Variants in CCNYL1 observed in about 807,000 individuals in gnomAD.
CCNYL1 encodes cyclin-Y-like protein 1.
CCNYL1 carries 16 observed loss-of-function variants against 44.2 expected under a neutral mutation model. The ratio of observed to expected loss-of-function variants is 0.36; its 90% CI spans 0.25 to 0.55. CCNYL1 has a LOEUF of 0.55. Among genes scored for constraint, CCNYL1 ranks in the 20% least tolerant of loss-of-function variants. CCNYL1 has a pLI of 0.85. For missense variants in CCNYL1, 348 were observed against 451.8 expected (o/e 0.77, Z 2.08); for synonymous variants, 159 against 163.2 (o/e 0.97, Z 0.20).
chr2:207,714,081 G>A (rs1328249212), intron 1 of CCNYL1, among the ~76,000 whole-genome samples: 1 of 152,134 alleles, frequency 6.6e-6, no homozygotes, highest in Non-Finnish European at 1.5e-5. Flanking sequence ...TAAAGAGTTA[G>A]GTATGTAGAA....
intron 1 of CCNYL1, among the ~76,000 whole-genome samples, chr2:207,716,397 T>C (rs921773448): frequency 1.3e-5 from 2 of 150,718 alleles, no homozygotes; most frequent in African/African-American, 4.9e-5. Flanking sequence ...ACATAGAGAA[T>C]ACAGAAAAGT....
chr2:207,730,627 G>A (rs2091719330), intron 3 of CCNYL1, among the ~76,000 whole-genome samples: 7 of 152,128 alleles, frequency 4.6e-5, no homozygotes, highest in South Asian at 4.2e-4. Flanking sequence ...GTGTGGTGGT[G>A]CACACCTGTA....
chr2:207,749,537 A>G (rs2091877636), intron 8 of CCNYL1, among the ~76,000 whole-genome samples: 2 of 152,244 alleles, frequency 1.3e-5, no homozygotes, highest in South Asian at 4.1e-4. Context: ...TTCTGTAAGC[A>G]TAATGCTTTT....
chr2:207,711,875 C>T lies in CCNYL1; in HGVS notation c.-22C>T. The T allele has an allele frequency of 7.4e-7, 1 of 1,359,100 alleles. No homozygotes were observed. The highest frequency in any genetic ancestry group is 9.5e-7 in the Non-Finnish European group (1 of 1,049,686). 84.2% of individuals were successfully genotyped at this position (1,359,100 alleles called of 1,614,324 possible). A position where few individuals can be genotyped will look rare whatever the true frequency, so the allele number is the denominator to read the frequency against. ...AGTAGGGGGCGAGCGAAGGCGGTGGCAGAGAGGAGCGGAGGCTTCCCATGG... is the reference window on the plus strand; with the variant it reads ...AGTAGGGGGCGAGCGAAGGCGGTGGTAGAGAGGAGCGGAGGCTTCCCATGG... On this transcript the variant is annotated 5_prime_UTR_variant, in exon 1 of 10. Transcript: ENST00000295414.
intron 4 of CCNYL1, 109 bp downstream of exon 4, chr2:207,734,156 G>C (rs2091748206): frequency 1.6e-6 from 1 of 625,054 alleles, no homozygotes; most frequent in Non-Finnish European, 2.9e-6. Context: ...TCAGCAATGA[G>C]TTTAAGAAAT....
At chr2:207,735,880 A>G (rs2091761368) in intron 4 of CCNYL1, among the ~76,000 whole-genome samples, 1 of 151,984 alleles carries the variant, frequency 6.6e-6, no homozygotes, top group African/African-American at 2.4e-5. Context: ...AAAACAAAAC[A>G]AAACACACAA....
At chr2:207,726,463 T>A (rs2091680609) in intron 2 of CCNYL1, among the ~76,000 whole-genome samples, 3 of 152,162 alleles carry the variant, frequency 2.0e-5, no homozygotes, top group South Asian at 2.1e-4. Context: ...AGGTGTTAGA[T>A]CTTGGTAATT....
intron 8 of CCNYL1, among the ~76,000 whole-genome samples, chr2:207,748,585 A>G (rs1456898830): frequency 6.6e-6 from 1 of 152,202 alleles, no homozygotes; most frequent in Non-Finnish European, 1.5e-5. Flanking sequence ...AAAAATATGA[A>G]GGAGCACCTC....
intron 9 of CCNYL1, among the ~76,000 whole-genome samples, chr2:207,753,288 A>G (rs1288162838): frequency 3.3e-5 from 5 of 152,214 alleles, no homozygotes; most frequent in African/African-American, 1.2e-4. Context: ...AACAGATGCT[A>G]TTGCTGTTAG....
Position 207,711,794 on chromosome 2 carries a change from C to T in CCNYL1, c.-103C>T. 1.3e-6 allele frequency: 1 copy of T among 762,794 alleles called. No individual in the cohort carries two copies. 47.3% of individuals were successfully genotyped at this position (762,794 alleles called of 1,614,324 possible). On this transcript the variant is annotated 5_prime_UTR_variant, in exon 1 of 10. Coordinates refer to ENST00000295414, the MANE Select transcript of CCNYL1 (RefSeq NM_001330218.2). The stretch of plus-strand genomic sequence containing the variant: ...GGTGCAGCCCCAGCGTAGCCCGGGG[C>T]TGCCGGTGCCGGCCGCGCCATTGTT...
Position 207,750,987 on chromosome 2 carries a change from T to G in CCNYL1, c.837T>G (p.Leu279=). 6.2e-7 allele frequency: 1 copy of G among 1,613,962 alleles called. No homozygotes were observed. Among genetic ancestry groups the G allele is most frequent in the Non-Finnish European group, 8.5e-7 (1 of 1,179,874 alleles). The change falls in exon 9 of 10, where the codon CTT becomes CTG. Residue 279 remains leucine (L), a synonymous_variant. Transcript: ENST00000295414. ...AAATGGAAAGGCATTTTCTGGAGCT[T>G]CTTCAGTTTAATATTAATGTTCCTG... ...MNEMERHFLE[L]LQFNINVPAS...
chr2:207,720,083 G>A (rs1290095610), intron 1 of CCNYL1, among the ~76,000 whole-genome samples: 1 of 150,536 alleles, frequency 6.6e-6, no homozygotes, highest in Admixed American at 6.7e-5. Context: ...AGCTGCCTGG[G>A]AGGCTGAAGC....
intron 3 of CCNYL1, among the ~76,000 whole-genome samples, chr2:207,733,488 C>G (rs1283383241): frequency 6.6e-6 from 1 of 152,170 alleles, no homozygotes; most frequent in Non-Finnish European, 1.5e-5. Context: ...GTCTCCTGAA[C>G]TAATACGTTT....
intron 2 of CCNYL1, 138 bp from the exon 3 acceptor site, chr2:207,726,704 A>C: frequency 1.8e-6 from 1 of 558,664 alleles, no homozygotes; most frequent in South Asian, 2.9e-5. Context: ...AGATGATTTA[A>C]ATGATGAATT....
intron 7 of CCNYL1, 138 bp downstream of exon 7, chr2:207,742,480 C>A: frequency 1.3e-6 from 1 of 747,952 alleles, no homozygotes; most frequent in Non-Finnish European, 2.1e-6. Flanking sequence ...AACATAAATA[C>A]GTACATTCGC....
chr2:207,730,327 G>A (rs1170807964), intron 3 of CCNYL1, among the ~76,000 whole-genome samples: 1 of 152,160 alleles, frequency 6.6e-6, no homozygotes, highest in East Asian at 1.9e-4. Context: ...ATGTGCCTCT[G>A]AGTTTGAAGT....
At position 207,754,427 on chromosome 2, in the gene CCNYL1, T is replaced by G. The variant is rs1339999392; in HGVS notation, c.*729T>G. ...ACTATAAATGGTGCTTCTCATTTTC[T>G]GATAATTTTTCTCTTGCTAAATAAA... On this transcript the variant is annotated 3_prime_UTR_variant, in exon 10 of 10. Coordinates refer to ENST00000295414, the MANE Select transcript of CCNYL1 (RefSeq NM_001330218.2). 6.5e-6 allele frequency: 1 copy of G among 152,678 alleles called. No individual in the cohort carries two copies. Among genetic ancestry groups the G allele is most frequent in the Non-Finnish European group, 1.5e-5 (1 of 68,048 alleles). The allele number at this position is 152,678 out of a possible 1,614,324, so 9.5% of individuals were successfully genotyped here.
intron 5 of CCNYL1, 100 bp from the exon 6 acceptor site, chr2:207,740,555 A>T (rs1440308094): frequency 1.3e-6 from 1 of 775,328 alleles, no homozygotes; most frequent in Non-Finnish European, 2.2e-6. Flanking sequence ...GCAAACACCA[A>T]AGCAAACAGG....
chr2:207,745,472 T>C (rs934754442), intron 7 of CCNYL1, among the ~76,000 whole-genome samples: 3 of 152,192 alleles, frequency 2.0e-5, no homozygotes, highest in Non-Finnish European at 4.4e-5. Context: ...TTATTCCCAT[T>C]GAGATTTGAA....
Sources: gnomAD v4.1 joint callset for allele counts (sites outside exome capture counted in the v4.1 genomes callset) on GRCh38, gnomAD v4.1.1 for gene constraint, MANE v1.5 for transcripts, NCBI Gene and HGNC (gene_info 2026-07-23, HGNC 2026-07-21) for gene names.